CSMD1: variants seen among roughly 807,000 people sequenced by gnomAD.
CSMD1 encodes CUB and sushi domain-containing protein 1.
In CSMD1, 213 loss-of-function variants were observed where a neutral mutation model predicts 417.5. That is an observed-to-expected ratio of 0.51 (90% confidence interval 0.46 to 0.57). CSMD1 has a LOEUF of 0.57. Ranked by LOEUF, CSMD1 falls within the 20% of genes least tolerant of loss-of-function variation. CSMD1 has a pLI of 0.00. For synonymous variants in CSMD1, 2,862 were observed against 1,736.8 expected (o/e 1.65, Z -16.11); for missense variants, 6,923 against 4,529.7 (o/e 1.53, Z -15.17).
chr8:4,435,534 C>T (rs1291992191), intron 2 of CSMD1, among the ~76,000 whole-genome samples: 1 of 152,178 alleles, frequency 6.6e-6, no homozygotes, highest in East Asian at 1.9e-4. Flanking sequence ...TGCCTGCCTC[C>T]TTCAACACTC....
rs1458791179 is a variant in CSMD1, at chr8:3,967,510, G to C, written c.818+30393C>G. 6.6e-5 allele frequency among the ~76,000 whole-genome samples: 10 copies of C among 152,070 alleles called. No homozygotes were observed. The East Asian group carries it at 1.4e-3, about 21-fold the overall frequency. On this transcript the variant is annotated intron_variant, in intron 5 of 69. Coordinates refer to ENST00000635120, the MANE Select transcript of CSMD1 (RefSeq NM_033225.6). Reference sequence around the variant, plus strand: ...TTGAAATACATGTGTTGCGGACTTGGATGGAGAATTAAAGAGAACTGAAAT... The same window carrying C: ...TTGAAATACATGTGTTGCGGACTTGCATGGAGAATTAAAGAGAACTGAAAT...
chr8:4,742,605 T>A (rs1249514525), intron 1 of CSMD1, among the ~76,000 whole-genome samples: 1 of 152,158 alleles, frequency 6.6e-6, no homozygotes, highest in South Asian at 2.1e-4. Flanking sequence ...GTAAGTTGAA[T>A]TCCTTTTATT....
At chr8:4,191,426 C>CA (rs1264080818) in intron 3 of CSMD1, among the ~76,000 whole-genome samples, 1 of 150,342 alleles carries the variant, frequency 6.7e-6, no homozygotes, top group Non-Finnish European at 1.5e-5. Flanking sequence ...CAAAACAAAA[C>CA]AAAAAACACA....
chr8:4,671,449 T>G (rs1199642940), intron 1 of CSMD1, among the ~76,000 whole-genome samples: 2 of 152,212 alleles, frequency 1.3e-5, no homozygotes, highest in East Asian at 3.8e-4. Flanking sequence ...AAGTTTATTG[T>G]GATAATTCTG....
intron 1 of CSMD1, among the ~76,000 whole-genome samples, chr8:4,771,276 T>A (rs1194196155): frequency 1.3e-5 from 2 of 152,212 alleles, no homozygotes; most frequent in Admixed American, 6.5e-5. Flanking sequence ...AAGTTTCTAA[T>A]ACCAATGTTC....
intron 5 of CSMD1, among the ~76,000 whole-genome samples, chr8:3,805,642 G>C (rs935867551): frequency 4.6e-5 from 7 of 152,148 alleles, no homozygotes; most frequent in Admixed American, 1.3e-4. Context: ...TTGGTGGGGA[G>C]TAAAATGAAG....
intron 3 of CSMD1, among the ~76,000 whole-genome samples, chr8:4,360,235 G>A (rs940421694): frequency 2.0e-5 from 3 of 152,126 alleles, no homozygotes; most frequent in Non-Finnish European, 2.9e-5. Flanking sequence ...CTCATCTAAT[G>A]TTGATTTCCT....
chr8:4,223,504 G>T (rs1032707222), intron 3 of CSMD1, among the ~76,000 whole-genome samples: 4 of 152,188 alleles, frequency 2.6e-5, no homozygotes, highest in African/African-American at 7.2e-5. Context: ...GATTGCACAG[G>T]GCGTAATCTA....
At chr8:4,282,725 T>C (rs1164458854) in intron 3 of CSMD1, among the ~76,000 whole-genome samples, 1 of 152,210 alleles carries the variant, frequency 6.6e-6, no homozygotes, top group Non-Finnish European at 1.5e-5. Context: ...ATCGGAACAA[T>C]TTTAATTACT....
intron 5 of CSMD1, among the ~76,000 whole-genome samples, chr8:3,902,989 A>T (rs923916632): frequency 6.6e-6 from 1 of 151,990 alleles, no homozygotes; most frequent in Admixed American, 6.6e-5. Flanking sequence ...GCATTGTTTT[A>T]TTCTTTCTAG....
intron 50 of CSMD1, among the ~76,000 whole-genome samples, chr8:3,050,628 A>G (rs73181745): frequency 6.6e-6 from 1 of 152,218 alleles, no homozygotes; most frequent in Non-Finnish European, 1.5e-5. Flanking sequence ...CTTAATTGCA[A>G]TAAAATAGTA....
chr8:4,742,569 GTTTT>G (rs533933596), intron 1 of CSMD1, among the ~76,000 whole-genome samples: 1 of 151,906 alleles, frequency 6.6e-6, no homozygotes, highest in Non-Finnish European at 1.5e-5. Flanking sequence ...TAAGAGAAAT[GTTTT>G]TTTATTTAGC....
intron 1 of CSMD1, among the ~76,000 whole-genome samples, chr8:4,754,931 G>T (rs755424443): frequency 1.3e-5 from 2 of 152,096 alleles, no homozygotes; most frequent in Non-Finnish European, 2.9e-5. Flanking sequence ...AAGGTCGGGA[G>T]TTCGAAACCA....
chr8:3,590,017 C>G (rs867420120), intron 8 of CSMD1, among the ~76,000 whole-genome samples: 119 of 152,040 alleles, frequency 7.8e-4, no homozygotes, highest in African/African-American at 2.8e-3. Context: ...CTGTGCTTGA[C>G]TAAATTTTTT....
chr8:3,094,789 A>G (rs915799421), intron 47 of CSMD1, among the ~76,000 whole-genome samples: 2 of 140,776 alleles, frequency 1.4e-5, no homozygotes, highest in Non-Finnish European at 3.1e-5. Context: ...ACTATAAAAG[A>G]GCCCGTCTTA....
chr8:4,676,940 T>G (rs534511066), intron 1 of CSMD1, among the ~76,000 whole-genome samples: 22 of 147,532 alleles, frequency 1.5e-4, no homozygotes, highest in Non-Finnish European at 1.6e-4. Context: ...ATGATATATA[T>G]AGAGAAATTA....
At chr8:4,272,870 G>A (rs1804693359) in intron 3 of CSMD1, among the ~76,000 whole-genome samples, 2 of 152,134 alleles carry the variant, frequency 1.3e-5, no homozygotes, top group African/African-American at 2.4e-5. Flanking sequence ...TAAAACGATA[G>A]ATAAAATTTG....
At chr8:4,196,002 G>A (rs974583939) in intron 3 of CSMD1, among the ~76,000 whole-genome samples, 1 of 152,050 alleles carries the variant, frequency 6.6e-6, no homozygotes, top group Non-Finnish European at 1.5e-5. Context: ...ATGAGGTCAT[G>A]CGATCGAGAC....
At chr8:4,965,542 G>T (rs527893199) in intron 1 of CSMD1, among the ~76,000 whole-genome samples, 1 of 152,294 alleles carries the variant, frequency 6.6e-6, no homozygotes, top group South Asian at 2.1e-4. Flanking sequence ...TGGCCAAACT[G>T]TTTAACATCT....
Sources: gnomAD v4.1 joint callset for allele counts (sites outside exome capture counted in the v4.1 genomes callset) on GRCh38, gnomAD v4.1.1 for gene constraint, MANE v1.5 for transcripts, NCBI Gene and HGNC (gene_info 2026-07-23, HGNC 2026-07-21) for gene names.